Variants in SH3RF3 observed in about 807,000 individuals in gnomAD.
The protein encoded by SH3RF3 is E3 ubiquitin-protein ligase SH3RF3.
Under a neutral mutation model 66.3 loss-of-function variants are expected in SH3RF3, and 29 were observed. That is an observed-to-expected ratio of 0.44 (90% CI 0.33 to 0.60). The LOEUF (loss-of-function observed/expected upper bound fraction) is 0.60, where lower values mean the gene tolerates loss of function less well. Ranked by LOEUF, SH3RF3 falls within the 20% of genes least tolerant of loss-of-function variation. The pLI, the probability that SH3RF3 is intolerant of heterozygous loss-of-function variation, is 0.04. For synonymous variants in SH3RF3, 583 were observed against 532.0 expected (o/e 1.10, Z -1.32); for missense variants, 1,194 against 1,190.9 (o/e 1.00, Z -0.04).
At chr2:109,417,125 A>C (rs1676746963) in intron 4 of SH3RF3, among the ~76,000 whole-genome samples, 1 of 152,124 alleles carries the variant, frequency 6.6e-6, no homozygotes, top group African/African-American at 2.4e-5. Flanking sequence ...CTGCCCACAC[A>C]TTTCTTCAGT....
intron 6 of SH3RF3, 96 bp downstream of exon 6, chr2:109,432,767 G>T (rs916733969): frequency 4.1e-6 from 6 of 1,457,982 alleles, no homozygotes; most frequent in African/African-American, 1.4e-5. Flanking sequence ...TGTCAGCCGG[G>T]CCCAGAAGGC....
intron 1 of SH3RF3, among the ~76,000 whole-genome samples, chr2:109,241,049 C>T (rs1263720070): frequency 6.6e-6 from 1 of 152,130 alleles, no homozygotes; most frequent in Non-Finnish European, 1.5e-5. Flanking sequence ...AGAATAATTA[C>T]TAAAAATATA....
chr2:109,172,600 T>C (rs367995327), intron 1 of SH3RF3, among the ~76,000 whole-genome samples: 2 of 152,172 alleles, frequency 1.3e-5, no homozygotes, highest in African/African-American at 4.8e-5. Flanking sequence ...CCACCCAGGC[T>C]GGTGTTTTGA....
At chr2:109,288,941 A>C (rs750084463) in intron 1 of SH3RF3, among the ~76,000 whole-genome samples, 1 of 152,228 alleles carries the variant, frequency 6.6e-6, no homozygotes, top group Non-Finnish European at 1.5e-5. Context: ...ACCCATAGCT[A>C]TGAATAAATT....
chr2:109,194,529 CCA>C (rs1678448790), intron 1 of SH3RF3, among the ~76,000 whole-genome samples: 1 of 152,252 alleles, frequency 6.6e-6, no homozygotes, highest in Non-Finnish European at 1.5e-5. Context: ...GGCATTTGCT[CCA>C]GCAGCACTGA....
intron 1 of SH3RF3, among the ~76,000 whole-genome samples, chr2:109,249,457 T>G (rs1558981060): frequency 6.8e-6 from 1 of 147,084 alleles, no homozygotes; most frequent in African/African-American, 2.5e-5. Context: ...CTCTCTCTCT[T>G]TCTCTCTTTC....
chr2:109,350,352 A>G (rs1457147844), intron 2 of SH3RF3, among the ~76,000 whole-genome samples: 1 of 152,138 alleles, frequency 6.6e-6, no homozygotes, highest in Non-Finnish European at 1.5e-5. Flanking sequence ...CACAGCAGAC[A>G]AGGGGGAAGT....
chr2:109,348,002 C>G, intron 2 of SH3RF3, 53 bp downstream of exon 2: 1 of 1,542,050 alleles, frequency 6.5e-7, no homozygotes, highest in Non-Finnish European at 8.8e-7. Context: ...TCTGTGCCAC[C>G]CAGGGCTCTT....
intron 4 of SH3RF3, among the ~76,000 whole-genome samples, chr2:109,417,414 G>A (rs979505874): frequency 4.6e-5 from 7 of 152,088 alleles, no homozygotes; most frequent in African/African-American, 1.7e-4. Flanking sequence ...CAGGTGTCCC[G>A]GGCAGACAGA....
intron 1 of SH3RF3, among the ~76,000 whole-genome samples, chr2:109,225,145 C>T (rs1169258031): frequency 6.6e-6 from 1 of 152,140 alleles, no homozygotes; most frequent in Non-Finnish European, 1.5e-5. Context: ...CCTCAGTTTC[C>T]TCTTGTGTAA....
At chr2:109,297,255 T>C (rs957598477) in intron 1 of SH3RF3, among the ~76,000 whole-genome samples, 31 of 152,062 alleles carry the variant, frequency 2.0e-4, no homozygotes, top group African/African-American at 7.5e-4. Context: ...ATCATCATCG[T>C]CATCACTGTT....
At chr2:109,175,883 G>A (rs1677902650) in intron 1 of SH3RF3, among the ~76,000 whole-genome samples, 1 of 152,122 alleles carries the variant, frequency 6.6e-6, no homozygotes, top group South Asian at 2.1e-4. Flanking sequence ...TATTTATTGG[G>A]TATGCACTAA....
intron 1 of SH3RF3, among the ~76,000 whole-genome samples, chr2:109,220,125 T>C (rs1222573838): frequency 6.6e-6 from 1 of 152,222 alleles, no homozygotes; most frequent in Non-Finnish European, 1.5e-5. Context: ...AACTGTCACA[T>C]GTATGGTCCA....
chr2:109,404,484 G>A (rs778187670), intron 4 of SH3RF3, among the ~76,000 whole-genome samples: 6 of 152,198 alleles, frequency 3.9e-5, no homozygotes, highest in Admixed American at 3.9e-4. Context: ...GGGACAGAAA[G>A]ATGGGGGAGT....
intron 1 of SH3RF3, among the ~76,000 whole-genome samples, chr2:109,132,212 A>G (rs1676714901): frequency 6.6e-6 from 1 of 152,220 alleles, no homozygotes; most frequent in Non-Finnish European, 1.5e-5. Flanking sequence ...TTTTCCAATT[A>G]GAAGCTCCTT....
chr2:109,301,179 G>T (rs1681457320), intron 1 of SH3RF3, among the ~76,000 whole-genome samples: 1 of 152,208 alleles, frequency 6.6e-6, no homozygotes, highest in South Asian at 2.1e-4. Flanking sequence ...AGAGTCAAGA[G>T]GGGGATTGCC....
Position 109,490,927 on chromosome 2 carries a change from C to G in SH3RF3, c.2471C>G (p.Pro824Arg), listed in dbSNP as rs1679115021. The part of the protein sequence containing the change: ...AAIRPEPKLL[P>R]RERYRVVVSY... Reference sequence around the variant, plus strand: ...ATCCGCCCCGAGCCCAAGCTGTTGCCCAGAGAGAGGTAAGTGCAGGGGCTT... The same window carrying G: ...ATCCGCCCCGAGCCCAAGCTGTTGCGCAGAGAGAGGTAAGTGCAGGGGCTT... The change falls in exon 9 of 10, where the codon CCC (proline) becomes CGC (arginine). Residue 824 changes from proline to arginine, a missense_variant. Pro to Arg is a moderately radical substitution (Grantham distance 103, BLOSUM62 -2). Coordinates refer to ENST00000309415, the MANE Select transcript of SH3RF3 (RefSeq NM_001099289.3). 6.7e-7 allele frequency: 1 copy of G among 1,497,552 alleles called. No individual in the cohort carries two copies. Among genetic ancestry groups the G allele is most frequent in the Non-Finnish European group, 8.9e-7 (1 of 1,122,906 alleles). 92.8% of individuals were successfully genotyped at this position (1,497,552 alleles called of 1,614,324 possible).
intron 1 of SH3RF3, among the ~76,000 whole-genome samples, chr2:109,302,318 G>T (rs1352387177): frequency 1.3e-5 from 2 of 152,240 alleles, no homozygotes. Context: ...ATCTGTGATG[G>T]ATCAGTCAGG....
chr2:109,478,544 G>A (rs1678751340), intron 8 of SH3RF3, among the ~76,000 whole-genome samples: 1 of 152,200 alleles, frequency 6.6e-6, no homozygotes, highest in Non-Finnish European at 1.5e-5. Context: ...TTTCCTTGCA[G>A]AATTCTTCTC....
Sources: allele counts gnomAD v4.1 joint callset (sites outside exome capture counted in the v4.1 genomes callset), GRCh38; gene constraint gnomAD v4.1.1; transcripts MANE v1.5; gene names NCBI Gene and HGNC (gene_info 2026-07-23, HGNC 2026-07-21).